RBL1: variants seen among roughly 807,000 people sequenced by gnomAD.
RBL1 encodes RB transcriptional corepressor like 1, also known as retinoblastoma-like protein 1.
In RBL1, 82 loss-of-function variants were observed where a neutral mutation model predicts 123.0. The observed-to-expected ratio is 0.67, with a 90% CI of 0.56 to 0.80. The LOEUF (loss-of-function observed/expected upper bound fraction) is 0.80, where lower values mean the gene tolerates loss of function less well. RBL1 is among the 30% of genes least tolerant of loss of function. RBL1 has a pLI of 0.00. For synonymous variants in RBL1, 405 were observed against 441.3 expected (o/e 0.92, Z 1.03); for missense variants, 1,171 against 1,299.6 (o/e 0.90, Z 1.52).
At position 37,061,191 on chromosome 20, in the gene RBL1, C is replaced by T. The variant is rs772614724; in HGVS notation, c.1162G>A (p.Ala388Thr). Residue 388 changes from alanine (A) to threonine (T), a missense_variant, in exon 9 of 22, where the codon GCA (alanine) becomes ACA (threonine). Coordinates refer to ENST00000373664, the MANE Select transcript of RBL1 (RefSeq NM_002895.5). ...REKEAVITPV[A>T]SATQSVSRLQ... ...CGGCTCACACTTTGGGTGGCTGATG[C>T]AACAGGAGTAATGACTGCTTCTTTT... 1 of 1,614,066 alleles carries T rather than the reference C, an allele frequency of 6.2e-7. No individual in the cohort carries two copies. The highest frequency in any genetic ancestry group is 1.6e-4 in the Middle Eastern group (1 of 6,062).
At chr20:37,066,960 A>C (rs2065187211) in intron 5 of RBL1, 33 bp downstream of exon 5, 4 of 1,593,232 alleles carry the variant, frequency 2.5e-6, no homozygotes, top group Non-Finnish European at 3.4e-6. Context: ...AAAAACTGAT[A>C]ATCAGTTTTC....
rs997595481 is a variant in RBL1 at position 37,040,264 on chromosome 20, C to T, written c.1792G>A (p.Glu598Lys). ...TGCACATTTCCTCCATTTCCTGTTT[C>T]AAAGTTATTTGGGAATATAACCTGT... ...CEEVIFPNNF[E>K]TGNGGNVQGH... is the part of the protein sequence containing the mutation. The change falls in exon 14 of 22, where the codon GAA becomes AAA. Residue 598 changes from glutamate (E) to lysine (K), a missense_variant. Transcript: ENST00000373664. 8.7e-6 allele frequency: 14 copies of T among 1,613,910 alleles called. No individual in the cohort carries two copies. The highest frequency in any genetic ancestry group is 1.3e-5 in the African/African-American group (1 of 74,916).
chr20:37,091,943 G>T (rs949306727), intron 1 of RBL1, among the ~76,000 whole-genome samples: 1 of 152,110 alleles, frequency 6.6e-6, no homozygotes, highest in Non-Finnish European at 1.5e-5. Flanking sequence ...TTTGATTAAT[G>T]AATTGCTTGG....
intron 11 of RBL1, among the ~76,000 whole-genome samples, chr20:37,047,431 T>C (rs1216934195): frequency 6.6e-6 from 1 of 152,106 alleles, no homozygotes; most frequent in Non-Finnish European, 1.5e-5. Context: ...TCTGAACAAA[T>C]AATAAAAGTC....
At position 37,068,530 on chromosome 20, in the gene RBL1, T is replaced by TAA. The variant is rs5841250; in HGVS notation, c.291-346_291-345dup. On this transcript the variant is annotated intron_variant, in intron 2 of 21. Transcript: ENST00000373664. ...ACCATCCCTCAAGCCTAAATTTAAT[T>TAA]AAAAAAAAAAAGTCCTCACTATGAA... Among the ~76,000 whole-genome samples, 13 of 145,584 alleles carry TAA rather than the reference T, an allele frequency of 8.9e-5. No homozygotes were observed. In the East Asian group the frequency reaches 1.8e-3, roughly 20 times the overall value.
chr20:37,078,008 C>T (rs1002857537), intron 2 of RBL1, among the ~76,000 whole-genome samples: 13 of 152,172 alleles, frequency 8.5e-5, no homozygotes, highest in Non-Finnish European at 1.6e-4. Flanking sequence ...ACCAGTTCCT[C>T]AGACTTCTTT....
chr20:37,027,232 TAC>T (rs1271210964), intron 16 of RBL1, among the ~76,000 whole-genome samples: 7 of 151,700 alleles, frequency 4.6e-5, no homozygotes, highest in Admixed American at 2.0e-4. Flanking sequence ...CCTGTGGTCC[TAC>T]TACTCAGGAG....
chr20:37,007,135 G>A (rs778924979), intron 20 of RBL1, among the ~76,000 whole-genome samples: 4 of 152,050 alleles, frequency 2.6e-5, no homozygotes, highest in Non-Finnish European at 5.9e-5. Context: ...TGTCGTACCA[G>A]CTATTTGGGA....
chr20:37,090,166 C>T (rs186736098), intron 1 of RBL1, among the ~76,000 whole-genome samples: 83 of 152,264 alleles, frequency 5.5e-4, no homozygotes, highest in Admixed American at 3.9e-4. Context: ...ATTATAGTTG[C>T]CTATAGTGTT....
At chr20:37,052,034 T>C (rs983955002) in intron 11 of RBL1, among the ~76,000 whole-genome samples, 1 of 151,682 alleles carries the variant, frequency 6.6e-6, no homozygotes, top group African/African-American at 2.4e-5. Context: ...TATTTTATTT[T>C]TAAGTTTTTT....
intron 11 of RBL1, among the ~76,000 whole-genome samples, chr20:37,047,532 A>C (rs193077293): frequency 1.8e-4 from 28 of 152,362 alleles, no homozygotes; most frequent in Non-Finnish European, 2.8e-4. Flanking sequence ...ATTTATCAAA[A>C]CACAGAAATG....
At chr20:37,068,275 T>G in intron 2 of RBL1, 89 bp from the exon 3 acceptor site, 1 of 1,454,844 alleles carries the variant, frequency 6.9e-7, no homozygotes, top group African/African-American at 1.4e-5. Context: ...TGACTAAGAC[T>G]CTTTATTAAA....
rs71186100 is a variant in RBL1, at chr20:37,042,072, C to CAAA, written c.1771-1790_1771-1788dup. On this transcript the variant is annotated intron_variant, in intron 13 of 21. Coordinates refer to ENST00000373664, the MANE Select transcript of RBL1 (RefSeq NM_002895.5). Reference sequence around the variant, plus strand: ...TGGGCAACAGAGCAAGACTTTGTCTCAAAAAAAAAAAAAAAAAAAGAAAGT... The same window carrying CAAA: ...TGGGCAACAGAGCAAGACTTTGTCTCAAAAAAAAAAAAAAAAAAAAAAGAAAGT... Among the ~76,000 whole-genome samples the CAAA allele has an allele frequency of 1.1e-3, 93 of 86,986 alleles. 1 individual carries two copies. The highest frequency in any genetic ancestry group is 6.9e-3 in the Middle Eastern group (1 of 144). 57.1% of individuals were successfully genotyped at this position (86,986 alleles called of 152,430 possible).
chr20:37,032,625 G>T, intron 16 of RBL1, 40 bp downstream of exon 16: 1 of 1,604,034 alleles, frequency 6.2e-7, no homozygotes, highest in South Asian at 1.1e-5. Flanking sequence ...TTCTTCCATT[G>T]ATTAAACAAA....
intron 14 of RBL1, among the ~76,000 whole-genome samples, chr20:37,038,633 C>T (rs1431850943): frequency 7.6e-6 from 1 of 131,440 alleles, no homozygotes; most frequent in Non-Finnish European, 1.6e-5. Context: ...AACAGAGTCT[C>T]GCTCTGTCCG....
chr20:37,068,563 T>G (rs112672048), intron 2 of RBL1, among the ~76,000 whole-genome samples: 1,876 of 152,218 alleles, frequency 0.012, 45 homozygotes, highest in African/African-American at 0.043. Flanking sequence ...GAAATCACTT[T>G]CGTTCCCAGG....
intron 14 of RBL1, among the ~76,000 whole-genome samples, chr20:37,038,749 C>A (rs1051704990): frequency 6.6e-6 from 1 of 151,718 alleles, no homozygotes; most frequent in Non-Finnish European, 1.5e-5. Flanking sequence ...ATTACAGGCA[C>A]CCGCCACCAC....
chr20:37,053,115 A>G (rs2064945322), intron 11 of RBL1, among the ~76,000 whole-genome samples: 1 of 152,262 alleles, frequency 6.6e-6, no homozygotes, highest in Non-Finnish European at 1.5e-5. Context: ...ATCCTCTGTC[A>G]ACAACTGATA....
rs751240972 is a variant in RBL1 at position 37,056,297 on chromosome 20, A to AAAAC, written c.1251-43_1251-40dup. ...GAGGAACCAATTACCAAACCAAACA[A>AAAAC]AAACAAACAAACAAAAAAGACTCCA... is the stretch of plus-strand genomic sequence containing the variant. On this transcript the variant is annotated intron_variant, in intron 9 of 21. Transcript: ENST00000373664. The AAAAC allele has an allele frequency of 2.6e-6, 4 of 1,542,870 alleles. No homozygotes were observed. In the Admixed American group the frequency reaches 6.7e-5, roughly 26 times the overall value.
Sources: gnomAD v4.1 joint callset for allele counts (sites outside exome capture counted in the v4.1 genomes callset) on GRCh38, gnomAD v4.1.1 for gene constraint, MANE v1.5 for transcripts, NCBI Gene and HGNC (gene_info 2026-07-23, HGNC 2026-07-21) for gene names.